Variants in CCDC40 observed in about 807,000 individuals in gnomAD.
CCDC40 encodes the protein coiled-coil domain 40 molecular ruler complex subunit, also known as coiled-coil domain-containing protein 40.
CCDC40 carries 104 observed loss-of-function variants against 124.5 expected under a neutral mutation model. The ratio of observed to expected loss-of-function variants is 0.84; its 90% CI spans 0.71 to 0.98. The LOEUF is 0.98. Among genes scored for constraint, CCDC40 ranks in the 50% least tolerant of loss-of-function variants. The pLI is 0.00. For synonymous variants in CCDC40, 580 were observed against 602.9 expected (o/e 0.96, Z 0.56); for missense variants, 1,463 against 1,503.9 (o/e 0.97, Z 0.45).
At chr17:80,038,034 T>C in intron 1 of CCDC40, 89 bp from the exon 2 acceptor site, 1 of 846,212 alleles carries the variant, frequency 1.2e-6, no homozygotes, top group Non-Finnish European at 2.0e-6. Flanking sequence ...AACAAGTAAA[T>C]AAACAGATGT....
At chr17:80,076,821 T>C (rs2038322113) in intron 10 of CCDC40, among the ~76,000 whole-genome samples, 1 of 151,966 alleles carries the variant, frequency 6.6e-6, no homozygotes, top group Non-Finnish European at 1.5e-5. Context: ...TCTCAGCTCA[T>C]TGCAACCTCT....
Position 80,086,334 on chromosome 17 carries a change from A to G in CCDC40, c.2449+118A>G. 1 of 815,534 alleles carries G rather than the reference A, an allele frequency of 1.2e-6. No homozygotes were observed. The allele number at this position is 815,534 out of a possible 1,614,324, so 50.5% of individuals were successfully genotyped here. On this transcript the variant is annotated intron_variant, in intron 14 of 19. Coordinates refer to ENST00000397545, the MANE Select transcript of CCDC40 (RefSeq NM_017950.4). The surrounding 1 kb of genome is among the most constrained non-coding windows in gnomAD (Gnocchi z 5.5). Reference sequence around the variant, plus strand: ...CGCTGGATTTGCACGCAGCCTTAAAAGCAAATAACAAACGCGCATGCTCCC... The same window carrying G: ...CGCTGGATTTGCACGCAGCCTTAAAGGCAAATAACAAACGCGCATGCTCCC...
At chr17:80,047,219 G>A (rs2037446285) in intron 3 of CCDC40, 60 bp from the exon 4 acceptor site, 2 of 1,565,682 alleles carry the variant, frequency 1.3e-6, no homozygotes, top group South Asian at 1.1e-5. Flanking sequence ...AGTTAAAATT[G>A]AATAACTTCT....
chr17:80,066,529 G>A lies in CCDC40; in HGVS notation c.1562+923G>A, dbSNP rs939306665. On this transcript the variant is annotated intron_variant, in intron 10 of 19. Coordinates refer to ENST00000397545, the MANE Select transcript of CCDC40 (RefSeq NM_017950.4). The surrounding 1 kb of genome is among the most constrained non-coding windows in gnomAD (Gnocchi z 4.4). ...TCCCAACATTTTGGGAGGCTGAGAC[G>A]GGTGGGTCACGAGGCCAGGAGTTCA... is the stretch of plus-strand genomic sequence containing the variant. The A allele has an allele frequency of 2.4e-5, 5 of 209,136 alleles. No individual in the cohort carries two copies. The highest frequency in any genetic ancestry group is 1.3e-4 in the East Asian group (1 of 7,876). 13.0% of individuals were successfully genotyped at this position (209,136 alleles called of 1,614,324 possible). A position where few individuals can be genotyped will look rare whatever the true frequency, so the allele number is the denominator to read the frequency against.
At chr17:80,061,464 C>A (rs909720618) in intron 9 of CCDC40, among the ~76,000 whole-genome samples, 2 of 152,246 alleles carry the variant, frequency 1.3e-5, no homozygotes, top group African/African-American at 4.8e-5. Context: ...AGACAACTCG[C>A]AGCCATTAGT....
intron 7 of CCDC40, 51 bp downstream of exon 7, chr17:80,050,334 A>T: frequency 7.0e-7 from 1 of 1,437,508 alleles, no homozygotes; most frequent in Non-Finnish European, 9.6e-7. Flanking sequence ...AGGGTTTCCC[A>T]GGGGTGTCTC....
Position 80,049,402 on chromosome 17 carries a change from T to C in CCDC40, c.856-504T>C, listed in dbSNP as rs370919772. 9.9e-3 allele frequency among the ~76,000 whole-genome samples: 1,267 copies of C among 128,268 alleles called. 16 individuals carry two copies. The highest frequency in any genetic ancestry group is 0.033 in the African/African-American group (1,178 of 35,590). The allele number at this position is 128,268 out of a possible 152,430, so 84.1% of individuals were successfully genotyped here. A position where few individuals can be genotyped will look rare whatever the true frequency, so the allele number is the denominator to read the frequency against. On this transcript the variant is annotated intron_variant, in intron 5 of 19. Transcript: ENST00000397545. ...CCAGCCTGGGCAATAAGAGCGAAACTCTGTCTCAAAAAAAAAAAAAAAAAA... is the reference window on the plus strand; with the variant it reads ...CCAGCCTGGGCAATAAGAGCGAAACCCTGTCTCAAAAAAAAAAAAAAAAAA...
In CCDC40 at chr17:80,037,840, G is replaced by A. The variant is rs1490847466; in HGVS notation, c.30-283G>A. ...TTTGTCCCAGACACAAGTTATATTT[G>A]AGGTGACTTTTCTGGGGTGATCTAA... On this transcript the variant is annotated intron_variant, in intron 1 of 19. Coordinates refer to ENST00000397545, the MANE Select transcript of CCDC40 (RefSeq NM_017950.4). 11 of 361,248 alleles carry A rather than the reference G, an allele frequency of 3.0e-5. No homozygotes were observed. The East Asian group carries it at 6.6e-4, about 22-fold the overall frequency. The allele number at this position is 361,248 out of a possible 1,614,324, so 22.4% of individuals were successfully genotyped here. A position where few individuals can be genotyped will look rare whatever the true frequency, so the allele number is the denominator to read the frequency against.
chr17:80,099,039 T>C lies in CCDC40; in HGVS notation c.3181-488T>C, dbSNP rs556719323. Among the ~76,000 whole-genome samples the C allele has an allele frequency of 4.7e-5, 7 of 149,954 alleles. No homozygotes were observed. The South Asian group carries it at 8.4e-4, about 18-fold the overall frequency. On this transcript the variant is annotated intron_variant, in intron 19 of 19. Coordinates refer to ENST00000397545, the MANE Select transcript of CCDC40 (RefSeq NM_017950.4). ...GGCTCACACCTGTAATCCCAGCACTTTGGGAAGCCGAGGCAGGCGGATCAC... is the reference window on the plus strand; with the variant it reads ...GGCTCACACCTGTAATCCCAGCACTCTGGGAAGCCGAGGCAGGCGGATCAC...
chr17:80,099,607 C>T lies in CCDC40; in HGVS notation c.3261C>T (p.Phe1087=). The change falls in exon 20 of 20, where the codon TTC becomes TTT. Residue 1087 remains phenylalanine (F), a synonymous_variant. Transcript: ENST00000397545. The part of the protein sequence containing the change: ...AVKEGRYVFL[F]RSKQSLVLER... ...AGGAGGGGCGCTACGTGTTCCTGTT[C>T]CGCTCCAAGCAGTCCCTAGTGCTGG... 6.2e-7 allele frequency: 1 copy of T among 1,613,786 alleles called. No individual in the cohort carries two copies. Among genetic ancestry groups the T allele is most frequent in the Non-Finnish European group, 8.5e-7 (1 of 1,180,028 alleles).
rs1257992176 is a variant in CCDC40 at position 80,100,578 on chromosome 17, CAGA to C, written c.*808_*810del. On this transcript the variant is annotated 3_prime_UTR_variant, in exon 20 of 20. Coordinates refer to ENST00000397545, the MANE Select transcript of CCDC40 (RefSeq NM_017950.4). ...ATAATTTCACTTTCAAACATTTCAG[CAGA>C]AGAATAAAATCTTTTTTCTGAATAT... 2.0e-5 allele frequency: 3 copies of C among 151,808 alleles called. No homozygotes were observed. The highest frequency in any genetic ancestry group is 7.3e-5 in the African/African-American group (3 of 41,282). The allele number at this position is 151,808 out of a possible 1,614,324, so 9.4% of individuals were successfully genotyped here.
At position 80,089,647 on chromosome 17, in the gene CCDC40, C is replaced by T. The variant is rs2038661021; in HGVS notation, c.2712-117C>T. The T allele has an allele frequency of 3.1e-6, 4 of 1,276,560 alleles. No homozygotes were observed. The East Asian group carries it at 7.1e-5, about 23-fold the overall frequency. The allele number at this position is 1,276,560 out of a possible 1,614,324, so 79.1% of individuals were successfully genotyped here. A position where few individuals can be genotyped will look rare whatever the true frequency, so the allele number is the denominator to read the frequency against. On this transcript the variant is annotated intron_variant, in intron 16 of 19. Transcript: ENST00000397545. ...TTTGAGAGCCTCACGCTTTCTGTCGCAGCTGCTTGGCTCTGCCATTGCAGC... is the reference window on the plus strand; with the variant it reads ...TTTGAGAGCCTCACGCTTTCTGTCGTAGCTGCTTGGCTCTGCCATTGCAGC...
At chr17:80,095,912 G>A (rs756732312) in intron 18 of CCDC40, among the ~76,000 whole-genome samples, 51 of 152,350 alleles carry the variant, frequency 3.3e-4, no homozygotes, top group African/African-American at 9.6e-4. Context: ...TGATGGGAGC[G>A]GGGTGGGCGC....
chr17:80,065,988 A>T, intron 10 of CCDC40: 1 of 653,668 alleles, frequency 1.5e-6, no homozygotes, highest in Non-Finnish European at 2.8e-6. Flanking sequence ...CTGCATTCCA[A>T]CCGAAATCCT....
At chr17:80,044,731 A>C (rs1019375569) in intron 3 of CCDC40, among the ~76,000 whole-genome samples, 15 of 145,186 alleles carry the variant, frequency 1.0e-4, no homozygotes, top group African/African-American at 3.6e-4. Context: ...ATATATATAT[A>C]TATATATCTC....
At chr17:80,073,822 A>G (rs2038249650) in intron 10 of CCDC40, among the ~76,000 whole-genome samples, 1 of 152,014 alleles carries the variant, frequency 6.6e-6, no homozygotes, top group South Asian at 2.1e-4. Flanking sequence ...CAGCCTCCCG[A>G]GTGGCTGAGA....
chr17:80,061,361 A>G lies in CCDC40; in HGVS notation c.1440+2381A>G, dbSNP rs185125716. On this transcript the variant is annotated intron_variant, in intron 9 of 19. Transcript: ENST00000397545. ...AATCCATCTCAAAAAACAAAACAAAACAAAAGACTAGGAGGACAATCACAC... is the reference window on the plus strand; with the variant it reads ...AATCCATCTCAAAAAACAAAACAAAGCAAAAGACTAGGAGGACAATCACAC... Among the ~76,000 whole-genome samples, 584 of 152,240 alleles carry G rather than the reference A, an allele frequency of 3.8e-3. 4 individuals are homozygous for G. Among genetic ancestry groups the G allele is most frequent in the African/African-American group, 0.013 (535 of 41,558 alleles).
At chr17:80,075,522 T>A (rs2038291443) in intron 10 of CCDC40, among the ~76,000 whole-genome samples, 2 of 152,218 alleles carry the variant, frequency 1.3e-5, no homozygotes, top group Admixed American at 6.5e-5. Context: ...GTTAGTGTTC[T>A]GCCCTTGCAG....
At position 80,065,533 on chromosome 17, in the gene CCDC40, C is replaced by A; in HGVS notation, c.1489C>A (p.Gln497Lys). The A allele has an allele frequency of 2.5e-6, 4 of 1,613,100 alleles. No individual in the cohort carries two copies. Among genetic ancestry groups the A allele is most frequent in the Non-Finnish European group, 3.4e-6 (4 of 1,179,946 alleles). Residue 497 changes from glutamine to lysine, a missense_variant, in exon 10 of 20, where the codon CAG (glutamine) becomes AAG (lysine). Physicochemically the swap from Gln to Lys is moderately conservative, Grantham distance 53 (BLOSUM62 1). Coordinates refer to ENST00000397545, the MANE Select transcript of CCDC40 (RefSeq NM_017950.4). ...AISVEKRRIM[Q>K]QWASSLVGMK... ...CAGCGTGGAGAAGAGGCGCATCATG[C>A]AGCAATGGGCCAGCAGCCTGGTGGG...
Sources: allele counts gnomAD v4.1 joint callset (sites outside exome capture counted in the v4.1 genomes callset), GRCh38; gene constraint gnomAD v4.1.1; non-coding constraint Gnocchi (gnomAD v3.1); transcripts MANE v1.5; gene names NCBI Gene and HGNC (gene_info 2026-07-23, HGNC 2026-07-21).